The following SPINT2 variants were observed in gnomAD, a reference collection of about 807,000 sequenced individuals.
SPINT2 encodes serine peptidase inhibitor, Kunitz type 2, also known as kunitz-type protease inhibitor 2.
Under a neutral mutation model 30.1 loss-of-function variants are expected in SPINT2, and 18 were observed. The observed-to-expected ratio is 0.60, with a 90% confidence interval of 0.41 to 0.89. The LOEUF (loss-of-function observed/expected upper bound fraction) is 0.89. Among genes scored for constraint, SPINT2 ranks in the 40% least tolerant of loss-of-function variants. The pLI, the probability that SPINT2 is intolerant of heterozygous loss-of-function variation, is 0.00. For missense variants in SPINT2, 276 were observed against 334.3 expected, an observed-to-expected ratio of 0.83 and a Z score of 1.36; for synonymous variants, 139 against 137.9, an observed-to-expected ratio of 1.01 and a Z score of -0.05.
chr19:38,265,225 G>A, intron 1 of SPINT2: 1 of 483,454 alleles, frequency 2.1e-6, no homozygotes, highest in South Asian at 2.3e-5. Context: ...AGTTTCCTTC[G>A]GGTGGAGGAA....
intron 1 of SPINT2, among the ~76,000 whole-genome samples, chr19:38,272,742 T>G (rs1267695766): frequency 6.6e-6 from 1 of 152,156 alleles, no homozygotes; most frequent in African/African-American, 2.4e-5. Context: ...TATTTTTTGA[T>G]ATGGAGTCTC....
chr19:38,285,236 T>C (rs1024116200), intron 2 of SPINT2, among the ~76,000 whole-genome samples: 1 of 152,182 alleles, frequency 6.6e-6, no homozygotes, highest in Non-Finnish European at 1.5e-5. Flanking sequence ...CTTAGCTGAG[T>C]GAGAAGGACT....
In SPINT2 at chr19:38,264,786, T is replaced by C. The variant is rs1398521343; in HGVS notation, c.-107T>C. ...CGGACCCTCCCGGAGCGTCGGCACC[T>C]GAACGCGAGGCGCTCCATTGCGCGT... On this transcript the variant is annotated 5_prime_UTR_variant, in exon 1 of 7. Transcript: ENST00000301244. 2 of 1,253,902 alleles carry C rather than the reference T, an allele frequency of 1.6e-6. No homozygotes were observed. The highest frequency in any genetic ancestry group is 2.2e-6 in the Non-Finnish European group (2 of 903,272). 77.7% of individuals were successfully genotyped at this position (1,253,902 alleles called of 1,614,324 possible).
In SPINT2 at chr19:38,290,320, G is replaced by C; in HGVS notation, c.553+40G>C. 1.2e-6 allele frequency: 2 copies of C among 1,603,870 alleles called. No homozygotes were observed. The stretch of plus-strand genomic sequence containing the variant: ...CCTCAGCCCAGGAAGCCCTGCCCTT[G>C]AGGACCCCGGTCCATCTCCCCATCC... On this transcript the variant is annotated intron_variant, in intron 5 of 6. Coordinates refer to ENST00000301244, the MANE Select transcript of SPINT2 (RefSeq NM_021102.4). The surrounding 1 kb of genome is among the most constrained non-coding windows in gnomAD (Gnocchi z 4.3).
intron 1 of SPINT2, among the ~76,000 whole-genome samples, chr19:38,270,059 A>G (rs756349383): frequency 3.6e-4 from 55 of 152,186 alleles, no homozygotes; most frequent in Non-Finnish European, 5.9e-4. Flanking sequence ...TTCGAAATGC[A>G]TGGACCTCTC....
In SPINT2 at chr19:38,289,520, A is replaced by G. The variant is rs566747435; in HGVS notation, c.391+329A>G. Reference sequence around the variant, plus strand: ...AAAAAAAAAAAAAAAAAAACTCCGAAGAAACTTATATATGGGGCAAAACAT... The same window carrying G: ...AAAAAAAAAAAAAAAAAAACTCCGAGGAAACTTATATATGGGGCAAAACAT... On this transcript the variant is annotated intron_variant, in intron 4 of 6. Coordinates refer to ENST00000301244, the MANE Select transcript of SPINT2 (RefSeq NM_021102.4). 5.0e-5 allele frequency: 12 copies of G among 239,738 alleles called. No individual in the cohort carries two copies. In the Admixed American group the frequency reaches 5.3e-4, roughly 11 times the overall value. The allele number at this position is 239,738 out of a possible 1,614,324, so 14.9% of individuals were successfully genotyped here.
chr19:38,270,379 A>G (rs900406252), intron 1 of SPINT2, among the ~76,000 whole-genome samples: 4 of 152,180 alleles, frequency 2.6e-5, no homozygotes, highest in African/African-American at 7.2e-5. Context: ...TAGTCAGCAA[A>G]TGTTTATTGA....
intron 4 of SPINT2, chr19:38,289,446 C>G (rs548017682): frequency 3.2e-6 from 1 of 315,598 alleles, no homozygotes. Context: ...GATTGCGCCA[C>G]TGCACTCCAG....
rs1968701965 is a variant in SPINT2, at chr19:38,290,334, A to G, written c.553+54A>G. 3 of 1,596,408 alleles carry G rather than the reference A, an allele frequency of 1.9e-6. No individual in the cohort carries two copies. The highest frequency in any genetic ancestry group is 3.5e-5 in the Admixed American group (2 of 57,278). On this transcript the variant is annotated intron_variant, in intron 5 of 6. Coordinates refer to ENST00000301244, the MANE Select transcript of SPINT2 (RefSeq NM_021102.4). This position sits in a 1 kb window ranked among gnomAD's most constrained non-coding sequence, Gnocchi z 4.3. ...GCCCTGCCCTTGAGGACCCCGGTCC[A>G]TCTCCCCATCCCTAAAATATGAAGG...
chr19:38,291,958 C>T lies in SPINT2; in HGVS notation c.711C>T (p.Ser237=), dbSNP rs1243910744. ...AGCGTGCCCTGCGCACCGTCTGGAG[C>T]TCCGGAGATGACAAGGAGCAGCTGG... is the stretch of plus-strand genomic sequence containing the variant. ...NQERALRTVW[S]SGDDKEQLVK... is the part of the protein sequence containing the mutation. The change falls in exon 7 of 7, where the codon AGC becomes AGT. Residue 237 remains serine (S), a synonymous_variant. Coordinates refer to ENST00000301244, the MANE Select transcript of SPINT2 (RefSeq NM_021102.4). 1.2e-6 allele frequency: 2 copies of T among 1,614,112 alleles called. No homozygotes were observed. Among genetic ancestry groups the T allele is most frequent in the Non-Finnish European group, 1.7e-6 (2 of 1,180,012 alleles).
chr19:38,267,713 T>C (rs1016617394), intron 1 of SPINT2, among the ~76,000 whole-genome samples: 2 of 152,048 alleles, frequency 1.3e-5, no homozygotes, highest in Admixed American at 6.6e-5. Flanking sequence ...GAGGACCATC[T>C]ACCTGGATAT....
chr19:38,284,713 G>A (rs992738953), intron 2 of SPINT2, among the ~76,000 whole-genome samples: 9 of 152,122 alleles, frequency 5.9e-5, no homozygotes, highest in Non-Finnish European at 1.2e-4. Context: ...GATCCACTCC[G>A]ACAGGGCTGC....
intron 1 of SPINT2, among the ~76,000 whole-genome samples, chr19:38,272,789 G>T (rs181241377): frequency 1.3e-5 from 2 of 152,180 alleles, no homozygotes; most frequent in Admixed American, 1.3e-4. Context: ...GTGCGATCTC[G>T]GCTCACTGCA....
rs964586021 is a variant in SPINT2 at position 38,264,663 on chromosome 19, G to T, written c.-230G>T. On this transcript the variant is annotated 5_prime_UTR_variant, in exon 1 of 7. Coordinates refer to ENST00000301244, the MANE Select transcript of SPINT2 (RefSeq NM_021102.4). Reference sequence around the variant, plus strand: ...GTTGAGTGTCGCAGGCGGCGAGGGCGCGAGTGAGGAGCAGACCCAGGCATC... The same window carrying T: ...GTTGAGTGTCGCAGGCGGCGAGGGCTCGAGTGAGGAGCAGACCCAGGCATC... 1 of 543,054 alleles carries T rather than the reference G, an allele frequency of 1.8e-6. No individual in the cohort carries two copies. The highest frequency in any genetic ancestry group is 3.3e-6 in the Non-Finnish European group (1 of 305,848). 33.6% of individuals were successfully genotyped at this position (543,054 alleles called of 1,614,324 possible).
chr19:38,288,829 A>G, intron 3 of SPINT2: 2 of 354,658 alleles, frequency 5.6e-6, no homozygotes, highest in African/African-American at 2.1e-5. Context: ...TTGGAGAGGA[A>G]CATGTCCCCC....
At chr19:38,276,816 T>G (rs1968524155) in intron 1 of SPINT2, among the ~76,000 whole-genome samples, 2 of 152,036 alleles carry the variant, frequency 1.3e-5, no homozygotes, top group Non-Finnish European at 2.9e-5. Flanking sequence ...AATTTATTTT[T>G]GGAGAACAAA....
chr19:38,274,793 C>T (rs949641686), intron 1 of SPINT2, among the ~76,000 whole-genome samples: 2 of 147,476 alleles, frequency 1.4e-5, no homozygotes, highest in African/African-American at 2.5e-5. Context: ...CCAGCCTGGA[C>T]GACAGAGTGA....
rs1322737024 is a variant in SPINT2 at position 38,288,176 on chromosome 19, TCTC to T, written c.337+247_337+249del. On this transcript the variant is annotated intron_variant, in intron 3 of 6. Coordinates refer to ENST00000301244, the MANE Select transcript of SPINT2 (RefSeq NM_021102.4). ...TGCAGCACTTCCTGGCTGGCCCCCA[TCTC>T]CTCCTGGAGGATGGGATGGAGGTGG... Among the ~76,000 whole-genome samples, 4 of 152,070 alleles carry T rather than the reference TCTC, an allele frequency of 2.6e-5. No homozygotes were observed. The East Asian group carries it at 5.8e-4, about 22-fold the overall frequency.
At chr19:38,291,609 C>T (rs1002704752) in intron 6 of SPINT2, 4 of 556,998 alleles carry the variant, frequency 7.2e-6, no homozygotes, top group Non-Finnish European at 1.3e-5. Context: ...GACACGGCCA[C>T]TCTGCTGGCA....
Sources: allele counts gnomAD v4.1 joint callset (sites outside exome capture counted in the v4.1 genomes callset), GRCh38; gene constraint gnomAD v4.1.1; non-coding constraint Gnocchi (gnomAD v3.1); transcripts MANE v1.5; gene names NCBI Gene and HGNC (gene_info 2026-07-23, HGNC 2026-07-21).